CNGB1: variants seen among roughly 807,000 people sequenced by gnomAD.
The protein encoded by CNGB1 is cyclic nucleotide-gated channel beta-1.
In CNGB1, 126 loss-of-function variants were observed where a neutral mutation model predicts 151.7. The observed-to-expected ratio is 0.83, with a 90% CI of 0.72 to 0.96. CNGB1 has a LOEUF of 0.96. CNGB1 is among the 40% of genes least tolerant of loss of function. The pLI, the probability that CNGB1 is intolerant of heterozygous loss-of-function variation, is 0.00. For synonymous variants in CNGB1, 623 were observed against 635.1 expected (o/e 0.98, Z 0.29); for missense variants, 1,698 against 1,627.0 (o/e 1.04, Z -0.75).
chr16:57,912,849 T>A, intron 24 of CNGB1, 81 bp downstream of exon 24: 1 of 1,363,770 alleles, frequency 7.3e-7, no homozygotes. Flanking sequence ...GTGTCATCTG[T>A]GTTGTGTGTG....
intron 10 of CNGB1, 33 bp downstream of exon 10, chr16:57,959,855 C>G (rs960376604): frequency 2.7e-6 from 4 of 1,476,352 alleles, no homozygotes; most frequent in Middle Eastern, 2.5e-4. Context: ...ATCCTGCTCC[C>G]TGGTGGGAGG....
chr16:57,898,787 G>A (rs569532671), intron 29 of CNGB1, among the ~76,000 whole-genome samples: 1 of 152,180 alleles, frequency 6.6e-6, no homozygotes, highest in Non-Finnish European at 1.5e-5. Flanking sequence ...TTGCCCAAGA[G>A]CTGGGATCTG....
chr16:57,952,381 G>A (rs1961971381), intron 12 of CNGB1, among the ~76,000 whole-genome samples: 1 of 151,960 alleles, frequency 6.6e-6, no homozygotes, highest in Admixed American at 6.5e-5. Context: ...CTTATGGGGT[G>A]CCGTCCTTAA....
chr16:57,916,038 C>T lies in CNGB1; in HGVS notation c.2217+91G>A. On this transcript the variant is annotated intron_variant, in intron 22 of 32. Transcript: ENST00000251102. ...GCATCCCTCCGTGTGGCAGAAACCA[C>T]ATCTCATGAACGCCCCAGGCACCCA... The T allele has an allele frequency of 4.8e-6, 6 of 1,237,674 alleles. No homozygotes were observed. The South Asian group carries it at 6.0e-5, about 12-fold the overall frequency. 76.7% of individuals were successfully genotyped at this position (1,237,674 alleles called of 1,614,324 possible).
intron 12 of CNGB1, among the ~76,000 whole-genome samples, chr16:57,953,549 T>C (rs987220347): frequency 1.1e-4 from 17 of 150,246 alleles, no homozygotes; most frequent in African/African-American, 3.7e-4. Flanking sequence ...GAGCCCCTGC[T>C]TCCAGGATCA....
intron 21 of CNGB1, 53 bp downstream of exon 21, chr16:57,917,215 C>T: frequency 6.7e-7 from 1 of 1,497,396 alleles, no homozygotes. Flanking sequence ...CCTGGAGGCT[C>T]TGGCTGAGCG....
At chr16:57,909,554 A>C (rs1312313897) in intron 25 of CNGB1, among the ~76,000 whole-genome samples, 2 of 152,010 alleles carry the variant, frequency 1.3e-5, no homozygotes, top group African/African-American at 4.8e-5. Context: ...ACGCCTGGCT[A>C]ATTTTTGTAT....
intron 4 of CNGB1, among the ~76,000 whole-genome samples, chr16:57,963,624 C>T (rs1482009112): frequency 6.6e-6 from 1 of 152,196 alleles, no homozygotes; most frequent in Non-Finnish European, 1.5e-5. Context: ...TCTGAGCCAA[C>T]TGGGAGATTC....
At chr16:57,939,186 C>T (rs1032942742) in intron 16 of CNGB1, among the ~76,000 whole-genome samples, 3 of 152,068 alleles carry the variant, frequency 2.0e-5, no homozygotes, top group Non-Finnish European at 4.4e-5. Context: ...TTCCCCGGCG[C>T]CACTGGGAGT....
At chr16:57,923,219 T>G (rs1961092334) in intron 18 of CNGB1, 54 bp downstream of exon 18, 4 of 923,386 alleles carry the variant, frequency 4.3e-6, no homozygotes, top group African/African-American at 1.7e-5. Context: ...CCCCCCCACA[T>G]CCCCCACCCT....
At chr16:57,902,928 A>T (rs556690542) in intron 27 of CNGB1, among the ~76,000 whole-genome samples, 1 of 152,312 alleles carries the variant, frequency 6.6e-6, no homozygotes, top group Non-Finnish European at 1.5e-5. Flanking sequence ...GCAACCCAAG[A>T]GGTGCCCTAC....
intron 23 of CNGB1, among the ~76,000 whole-genome samples, chr16:57,913,742 A>C (rs1412173061): frequency 6.6e-6 from 1 of 152,198 alleles, no homozygotes; most frequent in African/African-American, 2.4e-5. Flanking sequence ...CAGCCTCTTA[A>C]AGTGCTGGTA....
Position 57,967,219 on chromosome 16 carries a change from T to C in CNGB1, c.68A>G (p.Glu23Gly), listed in dbSNP as rs770003461. ...PGTPRKTKMQ[E>G]EEEVEPEPEM... ...TGGCTCTGGTTCCACTTCCTCTTCC[T>C]CCTGCATCTTGGTCTTCCGAGGGGT... Residue 23 changes from glutamate (E) to glycine (G), a missense_variant, in exon 2 of 33, where the codon GAG (glutamate) becomes GGG (glycine). By Grantham distance (98) the Glu-to-Gly change is moderately conservative. Coordinates refer to ENST00000251102, the MANE Select transcript of CNGB1 (RefSeq NM_001297.5). 2 of 1,614,144 alleles carry C rather than the reference T, an allele frequency of 1.2e-6. No homozygotes were observed. Among genetic ancestry groups the C allele is most frequent in the Non-Finnish European group, 8.5e-7 (1 of 1,180,026 alleles).
At chr16:57,906,147 G>T (rs1960544444) in intron 25 of CNGB1, among the ~76,000 whole-genome samples, 1 of 152,284 alleles carries the variant, frequency 6.6e-6, no homozygotes, top group Middle Eastern at 3.4e-3. Context: ...GACCAGGCTG[G>T]CTGGGCTCAG....
At chr16:57,886,501 T>C (rs952750765) in intron 32 of CNGB1, among the ~76,000 whole-genome samples, 8 of 152,230 alleles carry the variant, frequency 5.3e-5, no homozygotes, top group African/African-American at 1.9e-4. Context: ...CATTGGTGGC[T>C]GTATCTGGAG....
chr16:57,884,350 G>C lies in CNGB1; in HGVS notation c.3570C>G (p.Pro1190=), dbSNP rs1009948267. The change falls in exon 33 of 33, where the codon CCC becomes CCG. Residue 1190 remains proline, a synonymous_variant. Coordinates refer to ENST00000251102, the MANE Select transcript of CNGB1 (RefSeq NM_001297.5). ...ATDPPAPRTP[P]EPPGSPPSSP... ...AGCTCGGTGGAGACCCCGGGGGCTC[G>C]GGGGGCGTCCGGGGCGCGGGTGGGT... The C allele has an allele frequency of 1.9e-6, 3 of 1,576,172 alleles. No individual in the cohort carries two copies. Among genetic ancestry groups the C allele is most frequent in the Non-Finnish European group, 1.7e-6 (2 of 1,163,962 alleles).
At chr16:57,926,721 C>T (rs926472976) in intron 17 of CNGB1, among the ~76,000 whole-genome samples, 17 of 152,220 alleles carry the variant, frequency 1.1e-4, no homozygotes, top group African/African-American at 3.9e-4. Flanking sequence ...GGCTTACACC[C>T]GTAATCCCAA....
intron 26 of CNGB1, 85 bp from the exon 27 acceptor site, chr16:57,904,066 C>T (rs1469920791): frequency 1.6e-6 from 2 of 1,273,864 alleles, no homozygotes; most frequent in Non-Finnish European, 2.3e-6. Context: ...TGTGTCACTT[C>T]ACACAGACCA....
chr16:57,964,126 G>C lies in CNGB1; in HGVS notation c.290+4C>G, dbSNP rs1458415746. On this transcript the variant is annotated splice_donor_region_variant and intron_variant, in intron 4 of 32. Coordinates refer to ENST00000251102, the MANE Select transcript of CNGB1 (RefSeq NM_001297.5). Reference sequence around the variant, plus strand: ...CCTGAAGAGAGGGGAGGGTGGTGCAGTACCTATTCATTTCAGAAATCTCAG... The same window carrying C: ...CCTGAAGAGAGGGGAGGGTGGTGCACTACCTATTCATTTCAGAAATCTCAG... 2 of 1,613,926 alleles carry C rather than the reference G, an allele frequency of 1.2e-6. No individual in the cohort carries two copies. Among genetic ancestry groups the C allele is most frequent in the Non-Finnish European group, 1.7e-6 (2 of 1,179,844 alleles).
Sources: gnomAD v4.1 joint callset for allele counts (sites outside exome capture counted in the v4.1 genomes callset) on GRCh38, gnomAD v4.1.1 for gene constraint, MANE v1.5 for transcripts, NCBI Gene and HGNC (gene_info 2026-07-23, HGNC 2026-07-21) for gene names.